The following TFB2M variants were observed in gnomAD, a reference collection of about 807,000 sequenced individuals.
TFB2M encodes transcription factor B2, mitochondrial.
A neutral mutation model predicts 41.3 loss-of-function variants in TFB2M; 44 were observed. That is an observed-to-expected ratio of 1.07 (90% CI 0.84 to 1.37). The LOEUF (loss-of-function observed/expected upper bound fraction) is 1.37. Ranked by LOEUF, TFB2M falls within the 40% of genes most tolerant of loss-of-function variation. The pLI is 0.00. For missense variants in TFB2M, 496 were observed against 490.2 expected, an observed-to-expected ratio of 1.01 and a Z score of -0.11; for synonymous variants, 188 against 176.8, an observed-to-expected ratio of 1.06 and a Z score of -0.50.
intron 7 of TFB2M, among the ~76,000 whole-genome samples, chr1:246,541,659 A>C (rs955085398): frequency 1.3e-5 from 2 of 152,242 alleles, no homozygotes; most frequent in Non-Finnish European, 2.9e-5. Flanking sequence ...CACATACTCT[A>C]ATCAATTTTT....
At chr1:246,556,974 T>C (rs1424146717) in intron 3 of TFB2M, among the ~76,000 whole-genome samples, 1 of 152,076 alleles carries the variant, frequency 6.6e-6, no homozygotes, top group Non-Finnish European at 1.5e-5. Flanking sequence ...TAATATAATA[T>C]AAATTATACA....
intron 7 of TFB2M, 116 bp downstream of exon 7, chr1:246,544,405 G>A (rs1348580160): frequency 1.1e-6 from 1 of 928,060 alleles, no homozygotes; most frequent in Non-Finnish European, 1.6e-6. Flanking sequence ...GAAGAAATAT[G>A]AGGGAAAACA....
intron 4 of TFB2M, among the ~76,000 whole-genome samples, chr1:246,555,469 G>A (rs1030052991): frequency 6.6e-6 from 1 of 152,094 alleles, no homozygotes; most frequent in Non-Finnish European, 1.5e-5. Context: ...CCAGCTTGGG[G>A]GCTGAGGCGG....
chr1:246,546,645 GA>G (rs35909822), intron 6 of TFB2M, among the ~76,000 whole-genome samples: 34,833 of 137,064 alleles, frequency 0.25, 4,553 homozygotes, highest in Middle Eastern at 0.42. Context: ...ATAAAAAAAG[GA>G]AAAAAAAAAA....
intron 2 of TFB2M, 58 bp from the exon 3 acceptor site, chr1:246,557,592 C>A (rs1289944702): frequency 5.1e-6 from 7 of 1,369,852 alleles, no homozygotes; most frequent in Non-Finnish European, 2.0e-6. Context: ...TACTTTGCAG[C>A]AATTCAAAAA....
At position 246,564,468 on chromosome 1, in the gene TFB2M, A is replaced by G. The variant is rs191999758; in HGVS notation, c.314-34T>C. The G allele has an allele frequency of 3.8e-4, 597 of 1,581,606 alleles. 2 individuals carry two copies. In the African/African-American group the frequency reaches 6.3e-3, roughly 17 times the overall value. On this transcript the variant is annotated intron_variant, in intron 1 of 7. Coordinates refer to ENST00000366514, the MANE Select transcript of TFB2M (RefSeq NM_022366.3). The stretch of plus-strand genomic sequence containing the variant: ...TTAACAGAACGAAAAGTTTATTTGT[A>G]CAAGAAACATAATCTCTTTCAATAC...
intron 1 of TFB2M, 116 bp downstream of exon 1, chr1:246,565,710 C>G (rs1446102530): frequency 6.7e-6 from 8 of 1,191,476 alleles, no homozygotes; most frequent in Non-Finnish European, 9.2e-6. Flanking sequence ...GACTCCGTCT[C>G]AAAGCAAAAG....
chr1:246,563,605 A>T (rs1390954972), intron 2 of TFB2M, among the ~76,000 whole-genome samples: 1 of 125,898 alleles, frequency 7.9e-6, no homozygotes, highest in East Asian at 2.0e-4. Context: ...ACTCCATCTT[A>T]AAAAAAAAAA....
At chr1:246,562,055 A>T (rs1280084583) in intron 2 of TFB2M, among the ~76,000 whole-genome samples, 2 of 152,228 alleles carry the variant, frequency 1.3e-5, no homozygotes, top group South Asian at 4.1e-4. Context: ...CAGATTTAAC[A>T]TCAATTAAAT....
chr1:246,556,765 A>G, intron 3 of TFB2M, 44 bp from the exon 4 acceptor site: 1 of 1,480,616 alleles, frequency 6.8e-7, no homozygotes, highest in Non-Finnish European at 9.0e-7. Context: ...AGTTCTTAGC[A>G]TTTTGTCCTA....
At chr1:246,544,356 T>C (rs1253847970) in intron 7 of TFB2M, among the ~76,000 whole-genome samples, 165 bp downstream of exon 7, 4 of 152,170 alleles carry the variant, frequency 2.6e-5, no homozygotes, top group African/African-American at 4.8e-5. Context: ...GAAAAATATA[T>C]TTTCCTCAAA....
At chr1:246,546,760 A>G (rs1659030564) in intron 6 of TFB2M, among the ~76,000 whole-genome samples, 1 of 152,020 alleles carries the variant, frequency 6.6e-6, no homozygotes, top group African/African-American at 2.4e-5. Flanking sequence ...AAAATTTTTA[A>G]TCGGATATTT....
chr1:246,558,393 C>T (rs1659378739), intron 2 of TFB2M, among the ~76,000 whole-genome samples: 1 of 152,080 alleles, frequency 6.6e-6, no homozygotes, highest in Admixed American at 6.5e-5. Flanking sequence ...GAGATCTGCC[C>T]ACCTTGACCT....
chr1:246,560,600 T>C (rs963419205), intron 2 of TFB2M, among the ~76,000 whole-genome samples: 5 of 152,368 alleles, frequency 3.3e-5, no homozygotes, highest in East Asian at 3.9e-4. Flanking sequence ...GAGGGCACCA[T>C]ACATTCTTGC....
chr1:246,556,543 A>G (rs1659326111), intron 4 of TFB2M, 30 bp downstream of exon 4: 2 of 1,428,242 alleles, frequency 1.4e-6, no homozygotes, highest in Non-Finnish European at 1.9e-6. Flanking sequence ...CAGACTCAGA[A>G]CAAAAAATAG....
chr1:246,562,596 A>C (rs1659483014), intron 2 of TFB2M, among the ~76,000 whole-genome samples: 2 of 152,212 alleles, frequency 1.3e-5, no homozygotes, highest in African/African-American at 4.8e-5. Context: ...GTCAGTCTAT[A>C]AAAATCGAAG....
intron 2 of TFB2M, among the ~76,000 whole-genome samples, chr1:246,562,987 C>G (rs1659496275): frequency 6.6e-6 from 1 of 152,102 alleles, no homozygotes; most frequent in Non-Finnish European, 1.5e-5. Flanking sequence ...AGCCGGCCGG[C>G]AGAATGTCTC....
At position 246,564,549 on chromosome 1, in the gene TFB2M, T is replaced by C. The variant is rs540340486; in HGVS notation, c.314-115A>G. On this transcript the variant is annotated intron_variant, in intron 1 of 7. Transcript: ENST00000366514. ...TACCTGGTTTTTAAATCTGACAGCATCCGCAAAGTAGATGTCACTCTCCTT... is the reference window on the plus strand; with the variant it reads ...TACCTGGTTTTTAAATCTGACAGCACCCGCAAAGTAGATGTCACTCTCCTT... The C allele has an allele frequency of 7.0e-5, 60 of 854,048 alleles. No homozygotes were observed. In the African/African-American group the frequency reaches 9.5e-4, roughly 14 times the overall value. 52.9% of individuals were successfully genotyped at this position (854,048 alleles called of 1,614,324 possible).
chr1:246,563,301 G>A (rs142121845), intron 2 of TFB2M, among the ~76,000 whole-genome samples: 1 of 151,688 alleles, frequency 6.6e-6, no homozygotes, highest in African/African-American at 2.4e-5. Flanking sequence ...CTTATCAGAA[G>A]CATATAAATT....
Sources: allele counts gnomAD v4.1 joint callset (sites outside exome capture counted in the v4.1 genomes callset), GRCh38; gene constraint gnomAD v4.1.1; transcripts MANE v1.5; gene names NCBI Gene and HGNC (gene_info 2026-07-23, HGNC 2026-07-21).